Variants in BOD1L1 observed in about 807,000 individuals in gnomAD.
BOD1L1 encodes the protein biorientation of chromosomes in cell division 1 like 1, also known as biorientation of chromosomes in cell division protein 1-like 1.
A neutral mutation model predicts 240.7 loss-of-function variants in BOD1L1; 86 were observed. The observed-to-expected ratio is 0.36, with a 90% CI of 0.30 to 0.43. The LOEUF (loss-of-function observed/expected upper bound fraction) is 0.43. BOD1L1 is among the 20% of genes least tolerant of loss of function. The probability of loss-of-function intolerance (pLI) is 1.00; values close to 1 mark genes in which losing one functional copy is unlikely to be tolerated. For missense variants in BOD1L1, 3,554 were observed against 3,643.5 expected (o/e 0.98, Z 0.63); for synonymous variants, 1,268 against 1,272.3 (o/e 1.00, Z 0.07).
chr4:13,606,795 A>ATAGTGGAGGGATTT (rs1450455550), intron 9 of BOD1L1, among the ~76,000 whole-genome samples: 1 of 152,248 alleles, frequency 6.6e-6, no homozygotes, highest in Non-Finnish European at 1.5e-5. Context: ...ATAATTTGTT[A>ATAGTGGAGGGATTT]TAGTGGAGGG....
intron 5 of BOD1L1, among the ~76,000 whole-genome samples, chr4:13,612,813 G>T (rs558392610): frequency 2.6e-5 from 4 of 152,232 alleles, no homozygotes; most frequent in South Asian, 4.2e-4. Flanking sequence ...ACCTCTAGAG[G>T]GGGTAGAGAC....
intron 9 of BOD1L1, 73 bp from the exon 10 acceptor site, chr4:13,605,157 G>A: frequency 2.4e-6 from 3 of 1,275,552 alleles, no homozygotes; most frequent in Non-Finnish European, 3.1e-6. Flanking sequence ...ACATTTGGGT[G>A]GATTTAATAT....
intron 22 of BOD1L1, chr4:13,577,832 T>A: frequency 2.4e-6 from 1 of 417,634 alleles, no homozygotes; most frequent in Non-Finnish European, 4.2e-6. Flanking sequence ...AACATAAGTT[T>A]TCATTTCAGA....
chr4:13,583,649 G>A (rs1713412166), intron 17 of BOD1L1, among the ~76,000 whole-genome samples: 1 of 152,170 alleles, frequency 6.6e-6, no homozygotes, highest in Non-Finnish European at 1.5e-5. Context: ...ACCTAACAAT[G>A]AGGATGACAC....
chr4:13,598,273 C>G (rs529593444), intron 10 of BOD1L1, among the ~76,000 whole-genome samples: 24 of 152,274 alleles, frequency 1.6e-4, no homozygotes, highest in African/African-American at 5.5e-4. Flanking sequence ...ATATTCTAAA[C>G]TAGAAACTCA....
At chr4:13,575,208 T>C (rs1034787246) in intron 25 of BOD1L1, among the ~76,000 whole-genome samples, 2 of 151,938 alleles carry the variant, frequency 1.3e-5, no homozygotes, top group Non-Finnish European at 2.9e-5. Context: ...TGTGAGCCAC[T>C]GTGCCCAGCC....
chr4:13,581,299 C>A, intron 19 of BOD1L1, 92 bp from the exon 20 acceptor site: 2 of 919,850 alleles, frequency 2.2e-6, no homozygotes, highest in South Asian at 1.7e-5. Context: ...ATTTAGAGTT[C>A]CTGTCTAAGA....
chr4:13,604,966 T>C lies in BOD1L1; in HGVS notation c.1934A>G (p.Lys645Arg). Residue 645 changes from lysine to arginine, a missense_variant, in exon 10 of 26, where the codon AAA becomes AGA. Transcript: ENST00000040738. ...TTCTCTTTCTAATTTGGATTCATTT[T>C]TGTTTTCGTCAACTACATGCAAAGA... is the stretch of plus-strand genomic sequence containing the variant. ...SESLHVVDEN[K>R]NESKLEREHK... 1 of 1,613,784 alleles carries C rather than the reference T, an allele frequency of 6.2e-7. No homozygotes were observed.
chr4:13,603,700 C>A lies in BOD1L1; in HGVS notation c.3200G>T (p.Ser1067Ile). 6.2e-7 allele frequency: 1 copy of A among 1,613,978 alleles called. No homozygotes were observed. Among genetic ancestry groups the A allele is most frequent in the South Asian group, 1.1e-5 (1 of 91,082 alleles). ...GNSSLMEKKL[S>I]RRLCENRRGS... ...TCTCCGATTTTCGCACAACCTTCTA[C>A]TTAATTTCTTTTCCATGAGTGAACT... The change falls in exon 10 of 26, where the codon AGT becomes ATT. Residue 1067 changes from serine (S) to isoleucine (I), a missense_variant. Physicochemically the swap from Ser to Ile is moderately radical, Grantham distance 142 (BLOSUM62 -2). Coordinates refer to ENST00000040738, the MANE Select transcript of BOD1L1 (RefSeq NM_148894.3).
rs771214666 is a variant in BOD1L1, at chr4:13,602,975, C to G, written c.3925G>C (p.Val1309Leu). Reference protein sequence around the residue: ...DVIPLFDKRTVLEGSTASTSP... With the variant: ...DVIPLFDKRTLLEGSTASTSP... ...GTGCTGGCTGTGCTACCTTCCAAAA[C>G]AGTTCTTTTGTCAAACAGAGGAATT... The change falls in exon 10 of 26, where the codon GTT becomes CTT. Residue 1309 changes from valine (V) to leucine (L), a missense_variant. Coordinates refer to ENST00000040738, the MANE Select transcript of BOD1L1 (RefSeq NM_148894.3). 2.5e-6 allele frequency: 4 copies of G among 1,613,976 alleles called. No individual in the cohort carries two copies. In the South Asian group the frequency reaches 4.4e-5, roughly 18 times the overall value.
intron 25 of BOD1L1, chr4:13,572,948 G>T: frequency 1.0e-6 from 1 of 990,522 alleles, no homozygotes; most frequent in Non-Finnish European, 1.3e-6. Context: ...AGAACAATAG[G>T]AACTAAAATC....
At position 13,600,326 on chromosome 4, in the gene BOD1L1, C is replaced by T; in HGVS notation, c.6574G>A (p.Gly2192Arg). 3 of 1,614,060 alleles carry T rather than the reference C, an allele frequency of 1.9e-6. No homozygotes were observed. The highest frequency in any genetic ancestry group is 8.5e-7 in the Non-Finnish European group (1 of 1,179,904). The change falls in exon 10 of 26, where the codon GGG (glycine) becomes AGG (arginine). Residue 2192 changes from glycine (G) to arginine (R), a missense_variant. This residue lies in a region of BOD1L1 where 3,393 missense variants were observed against 3,427.1 expected (regional missense o/e 0.99). Transcript: ENST00000040738. ...PVLISTADFE[G>R]PMPSAPPEAE... Reference sequence around the variant, plus strand: ...TCTGGGGGCGCACTGGGCATAGGCCCCTCAAAGTCGGCGGTGCTTATCAAG... The same window carrying T: ...TCTGGGGGCGCACTGGGCATAGGCCTCTCAAAGTCGGCGGTGCTTATCAAG...
chr4:13,577,713 A>G (rs1712881059), intron 22 of BOD1L1, 82 bp from the exon 23 acceptor site: 14 of 1,004,450 alleles, frequency 1.4e-5, no homozygotes, highest in Admixed American at 2.2e-5. Flanking sequence ...TTGTCTGTCA[A>G]TGTATCAGTA....
rs758467958 is a variant in BOD1L1 at position 13,620,069 on chromosome 4, T to C, written c.244-2A>G. ...CTGTCTCAGATTCTGATACGCAGGC[T>C]AGAGAGAAAAAAACGAAGGTAAGTC... On this transcript the variant is annotated splice_acceptor_variant, in intron 1 of 25. Coordinates refer to ENST00000040738, the MANE Select transcript of BOD1L1 (RefSeq NM_148894.3). LOFTEE classifies it high-confidence loss of function. The C allele has an allele frequency of 6.3e-7, 1 of 1,597,756 alleles. No homozygotes were observed.
intron 12 of BOD1L1, 140 bp downstream of exon 12, chr4:13,595,720 C>A: frequency 1.7e-6 from 1 of 596,508 alleles, no homozygotes; most frequent in South Asian, 2.5e-5. Context: ...AAAGAATTCT[C>A]CCTAATCTAT....
At chr4:13,585,800 T>C (rs1713633378) in intron 17 of BOD1L1, among the ~76,000 whole-genome samples, 4 of 152,206 alleles carry the variant, frequency 2.6e-5, no homozygotes. Flanking sequence ...TCCTGAGATC[T>C]AATGCTTTTA....
At chr4:13,595,403 C>G (rs192017756) in intron 12 of BOD1L1, among the ~76,000 whole-genome samples, 24 of 152,238 alleles carry the variant, frequency 1.6e-4, no homozygotes, top group Admixed American at 1.5e-3. Context: ...CACAGAGAGA[C>G]TGAGATGAGG....
intron 9 of BOD1L1, among the ~76,000 whole-genome samples, chr4:13,605,831 A>G (rs1218603660): frequency 6.6e-6 from 1 of 152,192 alleles, no homozygotes; most frequent in African/African-American, 2.4e-5. Flanking sequence ...AACGCACAGT[A>G]ACCATATCAT....
intron 1 of BOD1L1, among the ~76,000 whole-genome samples, chr4:13,621,589 A>G (rs1717041317): frequency 6.6e-6 from 1 of 152,214 alleles, no homozygotes; most frequent in Admixed American, 6.5e-5. Flanking sequence ...AGCAAGGCAT[A>G]TTTATCCTCC....
Sources: gnomAD v4.1 joint callset for allele counts (sites outside exome capture counted in the v4.1 genomes callset) on GRCh38, gnomAD v4.1.1 for gene constraint, gnomAD v4.1.1 regional missense constraint, MANE v1.5 for transcripts, NCBI Gene and HGNC (gene_info 2026-07-23, HGNC 2026-07-21) for gene names.